Variants in CFAP61 observed in about 807,000 individuals in gnomAD.
The protein encoded by CFAP61 is cilia and flagella associated protein 61, also known as cilia- and flagella-associated protein 61.
Under a neutral mutation model 135.6 loss-of-function variants are expected in CFAP61, and 107 were observed. That is an observed-to-expected ratio of 0.79 (90% CI 0.67 to 0.93). The LOEUF is 0.93. Ranked by LOEUF, CFAP61 falls within the 40% of genes least tolerant of loss-of-function variation. The probability of loss-of-function intolerance (pLI) is 0.00; values close to 1 mark genes in which losing one functional copy is unlikely to be tolerated. For synonymous variants in CFAP61, 575 were observed against 578.5 expected (o/e 0.99, Z 0.09); for missense variants, 1,507 against 1,556.2 (o/e 0.97, Z 0.53).
At chr20:20,288,349 G>A (rs1001217801) in intron 22 of CFAP61, among the ~76,000 whole-genome samples, 2 of 152,176 alleles carry the variant, frequency 1.3e-5, no homozygotes, top group African/African-American at 4.8e-5. Flanking sequence ...ACTTTTGTGG[G>A]AGATATTTCA....
At chr20:20,053,209 A>C (rs2043905838) in intron 1 of CFAP61, among the ~76,000 whole-genome samples, 1 of 152,152 alleles carries the variant, frequency 6.6e-6, no homozygotes, top group Non-Finnish European at 1.5e-5. Flanking sequence ...TGCCCTCAAA[A>C]ACTGAAAAGC....
At chr20:20,089,425 G>A (rs541670978) in intron 6 of CFAP61, among the ~76,000 whole-genome samples, 7 of 151,976 alleles carry the variant, frequency 4.6e-5, no homozygotes, top group Non-Finnish European at 8.8e-5. Flanking sequence ...AGTAGATGGA[G>A]CTGCTATTAA....
At chr20:20,203,900 C>T (rs2056744759) in intron 17 of CFAP61, among the ~76,000 whole-genome samples, 1 of 152,122 alleles carries the variant, frequency 6.6e-6, no homozygotes, top group African/African-American at 2.4e-5. Flanking sequence ...GAGAAATAGC[C>T]ACACTGGGCT....
intron 9 of CFAP61, among the ~76,000 whole-genome samples, chr20:20,153,222 G>A (rs1246040782): frequency 6.6e-6 from 1 of 152,078 alleles, no homozygotes; most frequent in Non-Finnish European, 1.5e-5. Flanking sequence ...CAGCAAAAGT[G>A]GTGCTAAGAG....
At chr20:20,116,244 A>C (rs569393029) in intron 8 of CFAP61, among the ~76,000 whole-genome samples, 1 of 152,264 alleles carries the variant, frequency 6.6e-6, no homozygotes, top group Non-Finnish European at 1.5e-5. Flanking sequence ...TCTTCTTTTG[A>C]GAAATGTCTA....
rs534510276 is a variant in CFAP61 at position 20,192,291 on chromosome 20, G to A, written c.1590+872G>A. 2.0e-5 allele frequency among the ~76,000 whole-genome samples: 3 copies of A among 152,058 alleles called. No homozygotes were observed. The South Asian group carries it at 6.2e-4, about 32-fold the overall frequency. On this transcript the variant is annotated intron_variant, in intron 15 of 26. Transcript: ENST00000245957. Reference sequence around the variant, plus strand: ...TGTGGTTTTCTTTGCATCGTATTTTGTGCCATATGAGTTTTTGTTTGTCCT... The same window carrying A: ...TGTGGTTTTCTTTGCATCGTATTTTATGCCATATGAGTTTTTGTTTGTCCT...
Position 20,156,872 on chromosome 20 carries a change from A to G in CFAP61, c.952-2498A>G, listed in dbSNP as rs575110118. 2.1e-3 allele frequency among the ~76,000 whole-genome samples: 326 copies of G among 152,314 alleles called. 1 individual carries two copies. The highest frequency in any genetic ancestry group is 0.02 in the Middle Eastern group (6 of 294). ...AGAAGACCTAAATACATGGAGAGAT[A>G]TTCTATGTTCGTGGGATATTGAATC... On this transcript the variant is annotated intron_variant, in intron 9 of 26. Coordinates refer to ENST00000245957, the MANE Select transcript of CFAP61 (RefSeq NM_015585.4).
At chr20:20,149,352 A>G (rs1467003465) in intron 9 of CFAP61, among the ~76,000 whole-genome samples, 2 of 152,260 alleles carry the variant, frequency 1.3e-5, no homozygotes, top group Non-Finnish European at 2.9e-5. Context: ...GATAGGAAAC[A>G]GGGCTGACAT....
chr20:20,148,705 G>A (rs182503002), intron 9 of CFAP61, among the ~76,000 whole-genome samples: 100 of 152,188 alleles, frequency 6.6e-4, no homozygotes, highest in Middle Eastern at 3.4e-3. Context: ...TGGATGTTTT[G>A]TGTTTTCTAG....
chr20:20,212,978 G>T (rs1412551414), intron 17 of CFAP61, among the ~76,000 whole-genome samples: 1 of 152,178 alleles, frequency 6.6e-6, no homozygotes, highest in African/African-American at 2.4e-5. Flanking sequence ...GTGGCAGCAA[G>T]TGCCATCAGG....
rs572126963 is a variant in CFAP61 at position 20,202,763 on chromosome 20, C to T, written c.1932+2861C>T. Among the ~76,000 whole-genome samples the T allele has an allele frequency of 4.6e-5, 7 of 152,208 alleles. No homozygotes were observed. The East Asian group carries it at 9.7e-4, about 21-fold the overall frequency. On this transcript the variant is annotated intron_variant, in intron 17 of 26. Transcript: ENST00000245957. ...GGTTTCACATCTCCCACCGCCCCCC[C>T]GCCACAACCCCTCCCAGTGCATCAA...
chr20:20,084,295 C>T (rs1404914592), intron 6 of CFAP61, among the ~76,000 whole-genome samples: 1 of 152,190 alleles, frequency 6.6e-6, no homozygotes, highest in Non-Finnish European at 1.5e-5. Context: ...CATTTTACAA[C>T]TGTACATTTT....
chr20:20,277,595 C>T, intron 22 of CFAP61, 137 bp downstream of exon 22: 1 of 907,724 alleles, frequency 1.1e-6, no homozygotes, highest in African/African-American at 1.7e-5. Flanking sequence ...GTTCAGATTA[C>T]CTCTTGCTGG....
In CFAP61 at chr20:20,329,014, T is replaced by G. The variant is rs55649876; in HGVS notation, c.3423-12817T>G. Among the ~76,000 whole-genome samples the G allele has an allele frequency of 2.9e-3, 442 of 152,288 alleles. 3 individuals are homozygous for G. The highest frequency in any genetic ancestry group is 1.0e-2 in the African/African-American group (415 of 41,562). On this transcript the variant is annotated intron_variant, in intron 25 of 26. Transcript: ENST00000245957. ...TGCAGTCAGCTGAATAAACCTGACTTTGTTTACACGCCAGGTTCCTGGTGG... is the reference window on the plus strand; with the variant it reads ...TGCAGTCAGCTGAATAAACCTGACTGTGTTTACACGCCAGGTTCCTGGTGG...
At chr20:20,298,514 GATTTC>G (rs1312774607) in intron 25 of CFAP61, 128 bp downstream of exon 25, 88 of 770,234 alleles carry the variant, frequency 1.1e-4, no homozygotes, top group Non-Finnish European at 1.3e-4. Context: ...GTGTGGCAGA[GATTTC>G]GTTCTAATGA....
intron 17 of CFAP61, among the ~76,000 whole-genome samples, chr20:20,204,604 C>T (rs1176072523): frequency 6.6e-6 from 1 of 152,186 alleles, no homozygotes; most frequent in Non-Finnish European, 1.5e-5. Flanking sequence ...AGATTTTCCC[C>T]AGCTTTATTG....
chr20:20,213,836 TC>T (rs535857615), intron 17 of CFAP61, among the ~76,000 whole-genome samples: 15 of 152,240 alleles, frequency 9.9e-5, no homozygotes, highest in African/African-American at 2.6e-4. Flanking sequence ...TTTGTTTCTC[TC>T]CCCTTCGTTG....
chr20:20,122,821 T>C (rs1283239805), intron 8 of CFAP61, among the ~76,000 whole-genome samples: 1 of 149,030 alleles, frequency 6.7e-6, no homozygotes. Flanking sequence ...CTACTTTTAG[T>C]TCTTCAAGAA....
At chr20:20,091,100 C>T in intron 7 of CFAP61, 124 bp downstream of exon 7, 1 of 1,082,264 alleles carries the variant, frequency 9.2e-7, no homozygotes, top group Non-Finnish European at 1.4e-6. Flanking sequence ...CCGGCCCTCC[C>T]ACTGCCCTTC....
Sources: allele counts gnomAD v4.1 joint callset (sites outside exome capture counted in the v4.1 genomes callset), GRCh38; gene constraint gnomAD v4.1.1; transcripts MANE v1.5; gene names NCBI Gene and HGNC (gene_info 2026-07-23, HGNC 2026-07-21).